MARCHF1: variants seen among roughly 807,000 people sequenced by gnomAD.
MARCHF1 encodes membrane associated ring-CH-type finger 1, also known as E3 ubiquitin-protein ligase MARCHF1.
A neutral mutation model predicts 54.2 loss-of-function variants in MARCHF1; 40 were observed. That is an observed-to-expected ratio of 0.74 (90% CI 0.57 to 0.96). The LOEUF (loss-of-function observed/expected upper bound fraction) is 0.96, where lower values mean the gene tolerates loss of function less well. Among genes scored for constraint, MARCHF1 ranks in the 40% least tolerant of loss-of-function variants. The pLI is 0.00. For missense variants in MARCHF1, 586 were observed against 656.5 expected (o/e 0.89, Z 1.17); for synonymous variants, 236 against 236.3 (o/e 1.00, Z 0.01).
rs1749411676 is a variant in MARCHF1, at chr4:163,843,897, CAT to C, written c.111+10122_111+10123del. Among the ~76,000 whole-genome samples the C allele has an allele frequency of 2.0e-5, 3 of 151,484 alleles. No homozygotes were observed. In the South Asian group the frequency reaches 6.3e-4, roughly 32 times the overall value. ...TGATAAGTGACGATGAGTATTTTTC[CAT>C]ATGTTTGTTGGATGCCTGTATGTCT... On this transcript the variant is annotated intron_variant, in intron 4 of 9. Coordinates refer to ENST00000514618, the MANE Select transcript of MARCHF1 (RefSeq NM_001394959.1).
intron 3 of MARCHF1, among the ~76,000 whole-genome samples, chr4:163,883,703 T>G (rs1750470103): frequency 1.3e-5 from 2 of 152,194 alleles, no homozygotes; most frequent in South Asian, 4.1e-4. Flanking sequence ...GCATGGGGCA[T>G]ACTTGTTCTA....
At chr4:164,301,406 C>T (rs1250481530) in intron 1 of MARCHF1, among the ~76,000 whole-genome samples, 3 of 152,162 alleles carry the variant, frequency 2.0e-5, no homozygotes, top group African/African-American at 4.8e-5. Context: ...ACAAGGAACA[C>T]GGGCTAATTG....
At chr4:164,379,251 GAGC>G (rs1731294425) in intron 1 of MARCHF1, among the ~76,000 whole-genome samples, 1 of 152,124 alleles carries the variant, frequency 6.6e-6, no homozygotes, top group African/African-American at 2.4e-5. Flanking sequence ...ACCTGTGGAT[GAGC>G]AGTATAACAG....
chr4:163,942,441 T>C (rs1751931606), intron 3 of MARCHF1, among the ~76,000 whole-genome samples: 1 of 152,196 alleles, frequency 6.6e-6, no homozygotes, highest in African/African-American at 2.4e-5. Context: ...GACAGCTTCC[T>C]GACTTTATGC....
intron 1 of MARCHF1, among the ~76,000 whole-genome samples, chr4:164,281,850 C>A (rs544854139): frequency 7.9e-5 from 12 of 152,276 alleles, no homozygotes; most frequent in Non-Finnish European, 1.2e-4. Context: ...AGCCAGTCAG[C>A]GTGTCCTTCT....
In MARCHF1 at chr4:164,263,047, C is replaced by T. The variant is rs536739651; in HGVS notation, c.-323+120823G>A. Among the ~76,000 whole-genome samples the T allele has an allele frequency of 1.2e-3, 186 of 151,984 alleles. 1 individual carries two copies. The highest frequency in any genetic ancestry group is 4.2e-3 in the African/African-American group (172 of 41,432). ...GAGAGGAAGAAGAGTGGATGAGATA[C>T]GTAAGAGTGCCTGAGGGCTAATTTT... is the stretch of plus-strand genomic sequence containing the variant. On this transcript the variant is annotated intron_variant, in intron 1 of 9. Coordinates refer to ENST00000514618, the MANE Select transcript of MARCHF1 (RefSeq NM_001394959.1).
chr4:163,770,652 T>A (rs2110866814), intron 4 of MARCHF1, among the ~76,000 whole-genome samples: 1 of 152,250 alleles, frequency 6.6e-6, no homozygotes, highest in South Asian at 2.1e-4. Flanking sequence ...GGTCTTTTTT[T>A]TATCTGTCTT....
At chr4:163,698,350 C>T (rs1280583100) in intron 5 of MARCHF1, among the ~76,000 whole-genome samples, 1 of 152,166 alleles carries the variant, frequency 6.6e-6, no homozygotes, top group East Asian at 1.9e-4. Flanking sequence ...TAGTTTTCCA[C>T]TTATCAATTT....
chr4:163,770,645 C>T (rs1561068284), intron 4 of MARCHF1, among the ~76,000 whole-genome samples: 1 of 151,320 alleles, frequency 6.6e-6, no homozygotes. Flanking sequence ...AAAATCAGGT[C>T]TTTTTTTTAT....
Position 163,955,427 on chromosome 4 carries a change from C to T in MARCHF1, c.-39+33074G>A, listed in dbSNP as rs2110794700. Among the ~76,000 whole-genome samples the T allele has an allele frequency of 2.0e-5, 3 of 151,392 alleles. No individual in the cohort carries two copies. In the South Asian group the frequency reaches 6.3e-4, roughly 32 times the overall value. On this transcript the variant is annotated intron_variant, in intron 3 of 9. Transcript: ENST00000514618. The stretch of plus-strand genomic sequence containing the variant: ...TGCCTGTAACATGAAGTCCACACTT[C>T]ACTTTTCAGCAGAACACACAGGCTT...
intron 1 of MARCHF1, among the ~76,000 whole-genome samples, chr4:164,234,494 A>G (rs993341999): frequency 6.6e-6 from 1 of 152,134 alleles, no homozygotes; most frequent in Admixed American, 6.6e-5. Flanking sequence ...CACTCCTATG[A>G]TAGAATAAAT....
rs140764227 is a variant in MARCHF1, at chr4:163,904,884, A to G, written c.-38-50715T>C. On this transcript the variant is annotated intron_variant, in intron 3 of 9. Coordinates refer to ENST00000514618, the MANE Select transcript of MARCHF1 (RefSeq NM_001394959.1). ...TCCTAATTCTGGAATTATTCATTGG[A>G]TCATTACATTACATCTGATTCTAAC... is the stretch of plus-strand genomic sequence containing the variant. 3.3e-4 allele frequency among the ~76,000 whole-genome samples: 51 copies of G among 152,262 alleles called. 2 individuals are homozygous for G. The East Asian group carries it at 8.1e-3, about 24-fold the overall frequency.
At chr4:164,331,688 T>A (rs1579726845) in intron 1 of MARCHF1, among the ~76,000 whole-genome samples, 1 of 152,182 alleles carries the variant, frequency 6.6e-6, no homozygotes, top group African/African-American at 2.4e-5. Flanking sequence ...AGTGTATGTG[T>A]ATATAAATAC....
At chr4:164,186,685 A>G (rs1730979428) in intron 1 of MARCHF1, among the ~76,000 whole-genome samples, 1 of 152,240 alleles carries the variant, frequency 6.6e-6, no homozygotes, top group East Asian at 1.9e-4. Context: ...TAAAAGCCTC[A>G]GGGCAATGTT....
intron 1 of MARCHF1, among the ~76,000 whole-genome samples, chr4:164,244,102 C>T (rs146555356): frequency 0.81 from 123,467 of 151,606 alleles, 50,754 homozygotes; most frequent in South Asian, 0.89. Context: ...CTGCACCAAG[C>T]GGACCTGATA....
intron 4 of MARCHF1, among the ~76,000 whole-genome samples, chr4:163,715,069 A>C (rs561549576): frequency 6.6e-6 from 1 of 152,344 alleles, no homozygotes; most frequent in Non-Finnish European, 1.5e-5. Flanking sequence ...TCTAAATTAG[A>C]AGCCACAAAG....
intron 3 of MARCHF1, among the ~76,000 whole-genome samples, chr4:163,904,893 T>G (rs1751030621): frequency 6.6e-6 from 1 of 152,158 alleles, no homozygotes; most frequent in African/African-American, 2.4e-5. Flanking sequence ...GATCATTACA[T>G]TACATCTGAT....
intron 2 of MARCHF1, among the ~76,000 whole-genome samples, chr4:164,109,430 C>T (rs1221828948): frequency 6.6e-6 from 1 of 151,918 alleles, no homozygotes; most frequent in Non-Finnish European, 1.5e-5. Flanking sequence ...CATTACAAAA[C>T]AAAGAATTGG....
At chr4:164,101,505 T>A (rs1389186149) in intron 2 of MARCHF1, among the ~76,000 whole-genome samples, 1 of 125,534 alleles carries the variant, frequency 8.0e-6, no homozygotes, top group South Asian at 2.9e-4. Flanking sequence ...AGGGGCACAC[T>A]GACACCTAAC....
Sources: gnomAD v4.1 joint callset for allele counts (sites outside exome capture counted in the v4.1 genomes callset) on GRCh38, gnomAD v4.1.1 for gene constraint, MANE v1.5 for transcripts, NCBI Gene and HGNC (gene_info 2026-07-23, HGNC 2026-07-21) for gene names.